Variants in KRT1 observed in about 807,000 individuals in gnomAD.
KRT1 encodes keratin, type II cytoskeletal 1.
In KRT1, 28 loss-of-function variants were observed where a neutral mutation model predicts 51.6. The ratio of observed to expected loss-of-function variants is 0.54; its 90% confidence interval spans 0.40 to 0.74. The LOEUF (loss-of-function observed/expected upper bound fraction) is 0.74. KRT1 is among the 30% of genes least tolerant of loss of function. KRT1 has a pLI of 0.00. For missense variants in KRT1, 783 were observed against 815.5 expected (o/e 0.96, Z 0.49); for synonymous variants, 301 against 307.7 (o/e 0.98, Z 0.23).
chr12:52,676,334 C>T lies in KRT1; in HGVS notation c.1416G>A (p.Lys472=), dbSNP rs761306590. The change falls in exon 7 of 9, where the codon AAG becomes AAA. Residue 472 remains lysine (K), a synonymous_variant. Transcript: ENST00000252244. ...LRDYQELMNT[K]LALDLEIATY... is the part of the protein sequence containing the mutation. ...TGGCAATCTCCAGATCCAGGGCCAGCTTTGTGTTCATCAGCTCCTGGTAGT... is the reference window on the plus strand; with the variant it reads ...TGGCAATCTCCAGATCCAGGGCCAGTTTTGTGTTCATCAGCTCCTGGTAGT... 4 of 1,614,170 alleles carry T rather than the reference C, an allele frequency of 2.5e-6. No individual in the cohort carries two copies. The highest frequency in any genetic ancestry group is 1.7e-6 in the Non-Finnish European group (2 of 1,180,020).
intron 2 of KRT1, 108 bp downstream of exon 2, chr12:52,678,434 C>G (rs1941541524): frequency 1.7e-6 from 2 of 1,208,248 alleles, no homozygotes; most frequent in Non-Finnish European, 2.5e-6. Flanking sequence ...TGATGTGCCT[C>G]TAACCTAAGA....
In KRT1 at chr12:52,677,084, G is replaced by C. The variant is rs780136294; in HGVS notation, c.1229C>G (p.Ser410Cys). ...CTGCTTCTTGACATTGTCGATTTCA[G>C]ATCTAAGTCTCTGGATCACACGATT... ...ELNRVIQRLR[S>C]EIDNVKKQIS... The change falls in exon 6 of 9, where the codon TCT (serine) becomes TGT (cysteine). Residue 410 changes from serine (S) to cysteine (C), a missense_variant. Coordinates refer to ENST00000252244, the MANE Select transcript of KRT1 (RefSeq NM_006121.4). 1.2e-6 allele frequency: 2 copies of C among 1,613,700 alleles called. No individual in the cohort carries two copies. Among genetic ancestry groups the C allele is most frequent in the African/African-American group, 1.3e-5 (1 of 74,928 alleles).
In KRT1 at chr12:52,674,994, G is replaced by C; in HGVS notation, c.*199C>G. Reference sequence around the variant, plus strand: ...AGAACAAAGCAGGGTCATAGCCAGGGGACTGAGATTGCCACTGATCTGAAA... The same window carrying C: ...AGAACAAAGCAGGGTCATAGCCAGGCGACTGAGATTGCCACTGATCTGAAA... On this transcript the variant is annotated 3_prime_UTR_variant, in exon 9 of 9. Coordinates refer to ENST00000252244, the MANE Select transcript of KRT1 (RefSeq NM_006121.4). 1 of 765,810 alleles carries C rather than the reference G, an allele frequency of 1.3e-6. No homozygotes were observed. Among genetic ancestry groups the C allele is most frequent in the Non-Finnish European group, 2.3e-6 (1 of 441,166 alleles). The allele number at this position is 765,810 out of a possible 1,614,324, so 47.4% of individuals were successfully genotyped here.
intron 6 of KRT1, 44 bp downstream of exon 6, chr12:52,677,015 C>A (rs760922622): frequency 1.9e-6 from 3 of 1,607,686 alleles, no homozygotes; most frequent in South Asian, 1.1e-5. Flanking sequence ...CTGAGGGTTA[C>A]CCCCATTCCA....
At chr12:52,676,096 A>G (rs1187241091) in intron 7 of KRT1, among the ~76,000 whole-genome samples, 179 bp downstream of exon 7, 1 of 152,254 alleles carries the variant, frequency 6.6e-6, no homozygotes, top group Non-Finnish European at 1.5e-5. Context: ...AGAAAAAAAT[A>G]AACAGCTTGG....
In KRT1 at chr12:52,674,989, C is replaced by A. The variant is rs1941478377; in HGVS notation, c.*204G>T. On this transcript the variant is annotated 3_prime_UTR_variant, in exon 9 of 9. Transcript: ENST00000252244. Reference sequence around the variant, plus strand: ...GGGAAAGAACAAAGCAGGGTCATAGCCAGGGGACTGAGATTGCCACTGATC... The same window carrying A: ...GGGAAAGAACAAAGCAGGGTCATAGACAGGGGACTGAGATTGCCACTGATC... 8.0e-6 allele frequency: 6 copies of A among 748,832 alleles called. 1 individual carries two copies. In the South Asian group the frequency reaches 9.5e-5, roughly 12 times the overall value. 46.4% of individuals were successfully genotyped at this position (748,832 alleles called of 1,614,324 possible). A position where few individuals can be genotyped will look rare whatever the true frequency, so the allele number is the denominator to read the frequency against.
Position 52,675,743 on chromosome 12 carries a change from T to A in KRT1, c.1477A>T (p.Met493Leu). ...ACGTTCGGGGCACATTCTCCAGACA[T>A]CCTGTAGGAGAAAATAAGAAAATTC... Reference protein sequence around the residue: ...RTLLEGEESRMSGECAPNVSV... With the variant: ...RTLLEGEESRLSGECAPNVSV... The change falls in exon 8 of 9, where the codon ATG becomes TTG. Residue 493 changes from methionine (M) to leucine (L), a missense_variant and splice_region_variant. Coordinates refer to ENST00000252244, the MANE Select transcript of KRT1 (RefSeq NM_006121.4). 2 of 1,614,152 alleles carry A rather than the reference T, an allele frequency of 1.2e-6. No homozygotes were observed. Among genetic ancestry groups the A allele is most frequent in the Non-Finnish European group, 1.7e-6 (2 of 1,180,044 alleles).
In KRT1 at chr12:52,678,598, A is replaced by G. The variant is rs1225286400; in HGVS notation, c.750T>C (p.Ser250=). 1.9e-6 allele frequency: 3 copies of G among 1,614,064 alleles called. No homozygotes were observed. Among genetic ancestry groups the G allele is most frequent in the Non-Finnish European group, 2.5e-6 (3 of 1,180,046 alleles). The change falls in exon 2 of 9, where the codon TCT becomes TCC. Residue 250 remains serine, a synonymous_variant. Coordinates refer to ENST00000252244, the MANE Select transcript of KRT1 (RefSeq NM_006121.4). The stretch of plus-strand genomic sequence containing the variant: ...TGTTCTTCAGTTCCGAATCCAACCG[A>G]GATTGATCACTCTTCAGTTGGTCCA... ...RRVDQLKSDQ[S]RLDSELKNMQ...
Position 52,677,801 on chromosome 12 carries a change from A to G in KRT1, c.868-56T>C, listed in dbSNP as rs867638832. The G allele has an allele frequency of 3.5e-6, 5 of 1,440,204 alleles. No individual in the cohort carries two copies. The Middle Eastern group carries it at 5.2e-4, about 151-fold the overall frequency. The allele number at this position is 1,440,204 out of a possible 1,614,324, so 89.2% of individuals were successfully genotyped here. A position where few individuals can be genotyped will look rare whatever the true frequency, so the allele number is the denominator to read the frequency against. On this transcript the variant is annotated intron_variant, in intron 3 of 8. Coordinates refer to ENST00000252244, the MANE Select transcript of KRT1 (RefSeq NM_006121.4). ...ATTCTCTCCAGGGCAGGTCCCTCTC[A>G]TTACCTGTGAGGGGATTCTCCAAGC...
At chr12:52,679,552 T>A (rs1361361705) in intron 1 of KRT1, among the ~76,000 whole-genome samples, 1 of 152,198 alleles carries the variant, frequency 6.6e-6, no homozygotes, top group African/African-American at 2.4e-5. Flanking sequence ...CACCTTTAGG[T>A]CGACCACGAA....
intron 1 of KRT1, among the ~76,000 whole-genome samples, chr12:52,679,031 A>C (rs1464282335): frequency 6.6e-6 from 1 of 152,200 alleles, no homozygotes; most frequent in African/African-American, 2.4e-5. Flanking sequence ...TATTTAAGAG[A>C]TTTGCCTTCC....
chr12:52,675,827 A>G (rs1394097090), intron 7 of KRT1, 83 bp from the exon 8 acceptor site: 1 of 1,512,162 alleles, frequency 6.6e-7, no homozygotes, highest in African/African-American at 1.4e-5. Flanking sequence ...CACCTTGAAG[A>G]CTTTCCCCAT....
chr12:52,678,532 G>T lies in KRT1; in HGVS notation c.806+10C>A, dbSNP rs760475347. 3 of 1,613,498 alleles carry T rather than the reference G, an allele frequency of 1.9e-6. No homozygotes were observed. Among genetic ancestry groups the T allele is most frequent in the East Asian group, 2.2e-5 (1 of 44,884 alleles). On this transcript the variant is annotated intron_variant, in intron 2 of 8. Coordinates refer to ENST00000252244, the MANE Select transcript of KRT1 (RefSeq NM_006121.4). ...CAAAAGTTAAGAACTGCCCAGACAG[G>T]GTCCCTTACTTGTTCCGGTAATCCT...
chr12:52,675,277 TC>T lies in KRT1; in HGVS notation c.1850del (p.Gly617AspfsTer16), dbSNP rs1376961786. Reference sequence around the variant, plus strand: ...AGGACTTGACACCCCCAGAGCTGGATCCCCGGCCTCCTATGGAGCCTCCAGA... The same window carrying T: ...AGGACTTGACACCCCCAGAGCTGGATCCCGGCCTCCTATGGAGCCTCCAGA... ...GSSGGSIGGR[G>X]SSSGGVKSSG... On this transcript the variant is annotated frameshift_variant, in exon 9 of 9. Transcript: ENST00000252244. LOFTEE classifies it low-confidence loss of function (END_TRUNC). 6.2e-7 allele frequency: 1 copy of T among 1,613,606 alleles called. No individual in the cohort carries two copies. Among genetic ancestry groups the T allele is most frequent in the Non-Finnish European group, 8.5e-7 (1 of 1,179,984 alleles).
chr12:52,678,039 C>G lies in KRT1; in HGVS notation c.867+124G>C, dbSNP rs556128207. The G allele has an allele frequency of 2.3e-4, 208 of 900,942 alleles. 2 individuals are homozygous for G. The South Asian group carries it at 2.7e-3, about 12-fold the overall frequency. 55.8% of individuals were successfully genotyped at this position (900,942 alleles called of 1,614,324 possible). ...ATGATGATGTGAAAATATAGCCCCA[C>G]TCCATATACTCCCCAGGTCTACTAC... On this transcript the variant is annotated intron_variant, in intron 3 of 8. Transcript: ENST00000252244.
chr12:52,679,665 G>T, intron 1 of KRT1, 93 bp downstream of exon 1: 1 of 1,077,894 alleles, frequency 9.3e-7, no homozygotes, highest in Non-Finnish European at 1.4e-6. Context: ...ATGTAAACAT[G>T]GAAACTTGAG....
In KRT1 at chr12:52,675,368, T is replaced by TAG. The variant is rs1393633498; in HGVS notation, c.1758_1759dup (p.Tyr587SerfsTer28). On this transcript the variant is annotated frameshift_variant, in exon 9 of 9. Coordinates refer to ENST00000252244, the MANE Select transcript of KRT1 (RefSeq NM_006121.4). LOFTEE classifies it low-confidence loss of function (END_TRUNC). ...GCCGCCGCCTCCAGAGCCACCTCTGTAGCCCCCACTGCTGCTTCCGGAGCC... is the reference window on the plus strand; with the variant it reads ...GCCGCCGCCTCCAGAGCCACCTCTGTAGAGCCCCCACTGCTGCTTCCGGAGCC... The TAG allele has an allele frequency of 3.1e-6, 5 of 1,604,912 alleles. No homozygotes were observed. The highest frequency in any genetic ancestry group is 4.2e-6 in the Non-Finnish European group (5 of 1,177,594).
Position 52,675,378 on chromosome 12 carries a change from T to G in KRT1, c.1750A>C (p.Ser584Arg), listed in dbSNP as rs933213835. 8.1e-6 allele frequency: 13 copies of G among 1,605,874 alleles called. No individual in the cohort carries two copies. The highest frequency in any genetic ancestry group is 1.1e-5 in the Non-Finnish European group (13 of 1,177,780). The change falls in exon 9 of 9, where the codon AGT (serine) becomes CGT (arginine). Residue 584 changes from serine (S) to arginine (R), a missense_variant. Physicochemically the swap from Ser to Arg is moderately radical, Grantham distance 110. Coordinates refer to ENST00000252244, the MANE Select transcript of KRT1 (RefSeq NM_006121.4). ...CCAGAGCCACCTCTGTAGCCCCCAC[T>G]GCTGCTTCCGGAGCCGTAGCTGCCA... is the stretch of plus-strand genomic sequence containing the variant. ...GHGSYGSGSS[S>R]GGYRGGSGGG...
chr12:52,676,521 A>C, intron 6 of KRT1, 26 bp from the exon 7 acceptor site: 6 of 1,610,064 alleles, frequency 3.7e-6, no homozygotes, highest in Non-Finnish European at 5.1e-6. Flanking sequence ...ACACCCTCTC[A>C]TAATATGCAT....
Sources: gnomAD v4.1 joint callset for allele counts (sites outside exome capture counted in the v4.1 genomes callset) on GRCh38, gnomAD v4.1.1 for gene constraint, MANE v1.5 for transcripts, NCBI Gene and HGNC (gene_info 2026-07-23, HGNC 2026-07-21) for gene names.